Variants in ANKS1A observed in about 807,000 individuals in gnomAD.
ANKS1A encodes ankyrin repeat and sterile alpha motif domain containing 1A.
A neutral mutation model predicts 120.3 loss-of-function variants in ANKS1A; 55 were observed. The observed-to-expected ratio is 0.46, with a 90% confidence interval of 0.37 to 0.57. ANKS1A has a LOEUF of 0.57. ANKS1A is among the 20% of genes least tolerant of loss of function. The pLI, the probability that ANKS1A is intolerant of heterozygous loss-of-function variation, is 0.00. For synonymous variants in ANKS1A, 590 were observed against 604.7 expected (o/e 0.98, Z 0.36); for missense variants, 1,123 against 1,480.3 (o/e 0.76, Z 3.96).
At position 35,056,706 on chromosome 6, in the gene ANKS1A, C is replaced by G. The variant is rs78368810; in HGVS notation, c.2077+2541C>G. 2.4e-3 allele frequency among the ~76,000 whole-genome samples: 369 copies of G among 152,274 alleles called. 10 individuals are homozygous for G. The East Asian group carries it at 0.067, about 28-fold the overall frequency. On this transcript the variant is annotated intron_variant, in intron 12 of 23. Coordinates refer to ENST00000360359, the MANE Select transcript of ANKS1A (RefSeq NM_015245.3). The stretch of plus-strand genomic sequence containing the variant: ...TGTTTTAGTACTCATTTTCTTGAAC[C>G]ATCCTCTATAGTCCAGCTTGGGAAA...
At chr6:34,926,671 C>T (rs1313394493) in intron 1 of ANKS1A, among the ~76,000 whole-genome samples, 1 of 152,220 alleles carries the variant, frequency 6.6e-6, no homozygotes, top group Non-Finnish European at 1.5e-5. Flanking sequence ...TTAAAAGGTG[C>T]AATGGCTCAT....
intron 10 of ANKS1A, chr6:35,005,645 T>G (rs1465256639): frequency 2.4e-6 from 1 of 412,396 alleles, no homozygotes; most frequent in African/African-American, 2.1e-5. Flanking sequence ...AAAGTAAAAG[T>G]AAAGAAACCA....
chr6:35,089,377 G>A lies in ANKS1A; in HGVS notation c.*768G>A. On this transcript the variant is annotated 3_prime_UTR_variant, in exon 24 of 24. Transcript: ENST00000360359. ...GCACCAGAGCGCCAGGCCTCTCCCT[G>A]GCCTCTTACCTGTCAGTGATCGGAG... The A allele has an allele frequency of 1.0e-6, 1 of 986,702 alleles. No homozygotes were observed. Among genetic ancestry groups the A allele is most frequent in the Non-Finnish European group, 1.2e-6 (1 of 830,580 alleles). The allele number at this position is 986,702 out of a possible 1,614,324, so 61.1% of individuals were successfully genotyped here. A position where few individuals can be genotyped will look rare whatever the true frequency, so the allele number is the denominator to read the frequency against.
At chr6:35,076,224 C>A (rs768765877) in intron 13 of ANKS1A, among the ~76,000 whole-genome samples, 1 of 152,122 alleles carries the variant, frequency 6.6e-6, no homozygotes, top group Non-Finnish European at 1.5e-5. Flanking sequence ...GAGATCGAGA[C>A]CATCCTGGCT....
At chr6:35,033,260 C>T (rs1391198507) in intron 11 of ANKS1A, among the ~76,000 whole-genome samples, 1 of 152,192 alleles carries the variant, frequency 6.6e-6, no homozygotes, top group African/African-American at 2.4e-5. Flanking sequence ...GCTCAGGTAG[C>T]TCCATATGTT....
intron 11 of ANKS1A, among the ~76,000 whole-genome samples, chr6:35,031,746 T>A (rs1405219978): frequency 6.6e-6 from 1 of 152,174 alleles, no homozygotes; most frequent in Non-Finnish European, 1.5e-5. Context: ...CATCCTTGCT[T>A]CCCTATTGCT....
chr6:35,089,171 A>G lies in ANKS1A; in HGVS notation c.*562A>G, dbSNP rs1778165206. Reference sequence around the variant, plus strand: ...CCAACCATATCAGCTGCTGCTCTTTATGAACTGCCCAACTTCCTGTCCCTT... The same window carrying G: ...CCAACCATATCAGCTGCTGCTCTTTGTGAACTGCCCAACTTCCTGTCCCTT... On this transcript the variant is annotated 3_prime_UTR_variant, in exon 24 of 24. Transcript: ENST00000360359. The G allele has an allele frequency of 1.0e-6, 1 of 1,001,012 alleles. No individual in the cohort carries two copies. Among genetic ancestry groups the G allele is most frequent in the Non-Finnish European group, 1.2e-6 (1 of 837,888 alleles). 62.0% of individuals were successfully genotyped at this position (1,001,012 alleles called of 1,614,324 possible). A position where few individuals can be genotyped will look rare whatever the true frequency, so the allele number is the denominator to read the frequency against.
At chr6:34,924,516 G>A (rs1768608707) in intron 1 of ANKS1A, among the ~76,000 whole-genome samples, 1 of 152,128 alleles carries the variant, frequency 6.6e-6, no homozygotes, top group Admixed American at 6.6e-5. Flanking sequence ...TTTCCCTGCA[G>A]CACTACTGTT....
intron 11 of ANKS1A, among the ~76,000 whole-genome samples, chr6:35,047,496 A>C (rs1260412904): frequency 2.6e-5 from 4 of 152,174 alleles, no homozygotes; most frequent in African/African-American, 9.7e-5. Context: ...CAGATTAACC[A>C]GTGTTTTTAG....
intron 3 of ANKS1A, among the ~76,000 whole-genome samples, chr6:34,971,651 C>T (rs1020521729): frequency 7.9e-5 from 12 of 152,048 alleles, no homozygotes; most frequent in Middle Eastern, 6.3e-3. Flanking sequence ...CAAAGTTTTC[C>T]CTCAAAAAAT....
At chr6:34,905,110 C>T (rs935277355) in intron 1 of ANKS1A, among the ~76,000 whole-genome samples, 3 of 152,242 alleles carry the variant, frequency 2.0e-5, no homozygotes, top group Admixed American at 1.3e-4. Flanking sequence ...TGTGCCCGGT[C>T]AACGTCTGAT....
chr6:34,962,869 T>C (rs1027889851), intron 1 of ANKS1A, among the ~76,000 whole-genome samples: 9 of 151,544 alleles, frequency 5.9e-5, no homozygotes, highest in Admixed American at 5.9e-4. Flanking sequence ...CTTTCTTTTT[T>C]TTTTTCTTTT....
rs1229373510 is a variant in ANKS1A, at chr6:34,991,581, TATAC to T, written c.1302+2267_1302+2270del. Among the ~76,000 whole-genome samples, 7 of 122,664 alleles carry T rather than the reference TATAC, an allele frequency of 5.7e-5. No individual in the cohort carries two copies. The South Asian group carries it at 8.2e-4, about 14-fold the overall frequency. The allele number at this position is 122,664 out of a possible 152,430, so 80.5% of individuals were successfully genotyped here. A position where few individuals can be genotyped will look rare whatever the true frequency, so the allele number is the denominator to read the frequency against. On this transcript the variant is annotated intron_variant, in intron 9 of 23. Transcript: ENST00000360359. ...ACACACACACACACACACACACACA[TATAC>T]ACATATATATATACACACATATATA...
Position 34,985,067 on chromosome 6 carries a change from C to T in ANKS1A, c.1013-15C>T, listed in dbSNP as rs1306442888. On this transcript the variant is annotated splice_polypyrimidine_tract_variant and intron_variant, in intron 7 of 23. Coordinates refer to ENST00000360359, the MANE Select transcript of ANKS1A (RefSeq NM_015245.3). The stretch of plus-strand genomic sequence containing the variant: ...TCCCCTTCAGTGACTCTCTTGCCCT[C>T]CATCCTCCTCTCAGGTGACGTGGAG... 1.2e-6 allele frequency: 2 copies of T among 1,607,022 alleles called. No individual in the cohort carries two copies. Among genetic ancestry groups the T allele is most frequent in the Non-Finnish European group, 1.7e-6 (2 of 1,175,818 alleles).
chr6:35,041,549 G>T (rs1472400886), intron 11 of ANKS1A, among the ~76,000 whole-genome samples: 3 of 152,178 alleles, frequency 2.0e-5, no homozygotes, highest in Non-Finnish European at 2.9e-5. Flanking sequence ...AAACCCAAGG[G>T]TGTAAGTCCA....
At chr6:34,980,096 C>A (rs888436331) in intron 3 of ANKS1A, among the ~76,000 whole-genome samples, 2 of 152,190 alleles carry the variant, frequency 1.3e-5, no homozygotes, top group African/African-American at 4.8e-5. Context: ...TGCTTTCTGC[C>A]CAGCATTTCC....
At chr6:34,905,272 G>T (rs1183140672) in intron 1 of ANKS1A, among the ~76,000 whole-genome samples, 2 of 152,228 alleles carry the variant, frequency 1.3e-5, no homozygotes, top group Non-Finnish European at 2.9e-5. Context: ...CCAGCCTGGT[G>T]GAGTCTGTGC....
At chr6:34,990,326 C>T (rs1772437871) in intron 9 of ANKS1A, among the ~76,000 whole-genome samples, 1 of 152,058 alleles carries the variant, frequency 6.6e-6, no homozygotes, top group Non-Finnish European at 1.5e-5. Context: ...TAATTCTTTC[C>T]TTTAGTTACA....
intron 1 of ANKS1A, among the ~76,000 whole-genome samples, chr6:34,935,408 G>A (rs1351225218): frequency 2.0e-5 from 3 of 152,086 alleles, no homozygotes; most frequent in East Asian, 1.9e-4. Flanking sequence ...TTTAATGCCC[G>A]TCTTCAGAGT....
Sources: allele counts gnomAD v4.1 joint callset (sites outside exome capture counted in the v4.1 genomes callset), GRCh38; gene constraint gnomAD v4.1.1; transcripts MANE v1.5; gene names NCBI Gene and HGNC (gene_info 2026-07-23, HGNC 2026-07-21).